CCDC88C: variants seen among roughly 807,000 people sequenced by gnomAD.
CCDC88C encodes coiled-coil and HOOK domain protein 88C.
A neutral mutation model predicts 198.8 loss-of-function variants in CCDC88C; 131 were observed. The observed-to-expected ratio is 0.66, with a 90% CI of 0.57 to 0.76. The LOEUF (loss-of-function observed/expected upper bound fraction) is 0.76, where lower values mean the gene tolerates loss of function less well. Ranked by LOEUF, CCDC88C falls within the 30% of genes least tolerant of loss-of-function variation. CCDC88C has a pLI of 0.00. For missense variants in CCDC88C, 2,553 were observed against 2,631.6 expected (o/e 0.97, Z 0.65); for synonymous variants, 1,166 against 1,114.7 (o/e 1.05, Z -0.92).
chr14:91,412,547 G>A (rs1337341730), intron 2 of CCDC88C, among the ~76,000 whole-genome samples: 1 of 151,646 alleles, frequency 6.6e-6, no homozygotes, highest in Admixed American at 6.6e-5. Flanking sequence ...CCATTCTCCC[G>A]CCTCAGCCTC....
chr14:91,408,098 C>T (rs898914918), intron 3 of CCDC88C: 2 of 152,510 alleles, frequency 1.3e-5, no homozygotes, highest in Non-Finnish European at 2.9e-5. Flanking sequence ...AAGAGCAAAT[C>T]CCCATCAGGC....
intron 3 of CCDC88C, among the ~76,000 whole-genome samples, chr14:91,380,852 G>A (rs10150940): frequency 0.022 from 3,415 of 152,176 alleles, 143 homozygotes; most frequent in African/African-American, 0.077. Context: ...TGCACGCCCC[G>A]TATCCTCCCT....
chr14:91,343,076 T>G (rs1211184765), intron 5 of CCDC88C, among the ~76,000 whole-genome samples: 11 of 152,134 alleles, frequency 7.2e-5, no homozygotes, highest in Non-Finnish European at 1.5e-5. Context: ...CGCCTCAGCC[T>G]CCCGAGTAGC....
At chr14:91,360,262 A>ACACACACACACG (rs1894249119) in intron 3 of CCDC88C, among the ~76,000 whole-genome samples, 1 of 89,012 alleles carries the variant, frequency 1.1e-5, no homozygotes, top group Non-Finnish European at 2.7e-5. Context: ...TCACACACAC[A>ACACACACACACG]CACACACACA....
intron 3 of CCDC88C, among the ~76,000 whole-genome samples, chr14:91,372,470 G>A (rs536703522): frequency 3.6e-5 from 5 of 140,706 alleles, no homozygotes; most frequent in East Asian, 2.2e-4. Flanking sequence ...GGAGGTGGCC[G>A]GAAGCTGAAA....
In CCDC88C at chr14:91,371,293, GA is replaced by G; in HGVS notation, c.271-11583del. 6.6e-6 allele frequency among the ~76,000 whole-genome samples: 1 copy of G among 152,164 alleles called. No individual in the cohort carries two copies. The highest frequency in any genetic ancestry group is 1.9e-4 in the East Asian group (1 of 5,184). ...AAGTCAGTATTTTTGCTGATGGATG[GA>G]AAAGTCAGTAGTTCTGCTGATGGAT... On this transcript the variant is annotated intron_variant, in intron 3 of 29. Coordinates refer to ENST00000389857, the MANE Select transcript of CCDC88C (RefSeq NM_001080414.4). This position sits in a 1 kb window ranked among gnomAD's most constrained non-coding sequence, Gnocchi z 4.2.
rs751634227 is a variant in CCDC88C at position 91,294,280 on chromosome 14, A to G, written c.4005T>C (p.Asn1335=). Residue 1335 remains asparagine (N), a synonymous_variant, in exon 23 of 30, where the codon AAT becomes AAC. Coordinates refer to ENST00000389857, the MANE Select transcript of CCDC88C (RefSeq NM_001080414.4). ...GCTGGATCTGGCTCAGGAGGTGATGATTTTCTTCCTCCAAGTTCCCCTTGA... is the reference window on the plus strand; with the variant it reads ...GCTGGATCTGGCTCAGGAGGTGATGGTTTTCTTCCTCCAAGTTCCCCTTGA... ...SRLKGNLEEE[N]HHLLSQIQLL... The G allele has an allele frequency of 2.5e-6, 4 of 1,613,998 alleles. No individual in the cohort carries two copies. Among genetic ancestry groups the G allele is most frequent in the Non-Finnish European group, 3.4e-6 (4 of 1,179,890 alleles).
At chr14:91,332,758 T>TTCC (rs1194872752) in intron 10 of CCDC88C, among the ~76,000 whole-genome samples, 2 of 152,180 alleles carry the variant, frequency 1.3e-5, no homozygotes, top group African/African-American at 4.8e-5. Context: ...AAACTCATGA[T>TTCC]TCCTCCCCTT....
At chr14:91,400,350 T>C (rs61988435) in intron 3 of CCDC88C, among the ~76,000 whole-genome samples, 25,701 of 152,276 alleles carry the variant, frequency 0.17, 2,782 homozygotes, top group Non-Finnish European at 0.25. Context: ...CCGCAGACCA[T>C]TGCCCTCCTC....
chr14:91,343,823 TTTTTA>T (rs1190770999), intron 4 of CCDC88C, among the ~76,000 whole-genome samples, 166 bp from the exon 5 acceptor site: 12 of 152,320 alleles, frequency 7.9e-5, no homozygotes, highest in African/African-American at 2.4e-4. Context: ...CTTTATTTAC[TTTTTA>T]TTTTATTTTG....
At position 91,416,822 on chromosome 14, in the gene CCDC88C, G is replaced by A. The variant is rs769956271; in HGVS notation, c.77C>T (p.Pro26Leu). ...PLVTWVKTFG[P>L]FGSGSQDNLT... ...GTTGTCCTGGCTGCCGCTTCCAAAC[G>A]GGCCAAAAGTTTTCACCTGCGGGGA... Residue 26 changes from proline (P) to leucine (L), a missense_variant, in exon 2 of 30, where the codon CCG (proline) becomes CTG (leucine). By Grantham distance (98) the Pro-to-Leu change is moderately conservative. Transcript: ENST00000389857. 9 of 1,612,982 alleles carry A rather than the reference G, an allele frequency of 5.6e-6. No individual in the cohort carries two copies. Among genetic ancestry groups the A allele is most frequent in the African/African-American group, 1.3e-5 (1 of 74,896 alleles).
At chr14:91,367,931 CA>C (rs1218270695) in intron 3 of CCDC88C, among the ~76,000 whole-genome samples, 3 of 152,144 alleles carry the variant, frequency 2.0e-5, no homozygotes, top group Non-Finnish European at 4.4e-5. Context: ...CTCCTCTAGG[CA>C]GCCACCTGAT....
In CCDC88C at chr14:91,359,660, C is replaced by T. The variant is rs61745604; in HGVS notation, c.322G>A (p.Gly108Ser). 4.6e-4 allele frequency: 743 copies of T among 1,608,390 alleles called. No homozygotes were observed. The highest frequency in any genetic ancestry group is 5.8e-4 in the Non-Finnish European group (680 of 1,177,542). ...CACTCACCAGACAGTGGGTCTCTGCCAATCATCAAAACATTGGGCAAATTC... is the reference window on the plus strand; with the variant it reads ...CACTCACCAGACAGTGGGTCTCTGCTAATCATCAAAACATTGGGCAAATTC... ...VMNLPNVLMI[G>S]RDPLSGKSME... is the part of the protein sequence containing the mutation. The change falls in exon 4 of 30, where the codon GGC becomes AGC. Residue 108 changes from glycine to serine, a missense_variant. Physicochemically the swap from Gly to Ser is moderately conservative, Grantham distance 56 (BLOSUM62 0). This residue lies in a region of CCDC88C where 1,260 missense variants were observed against 1,412.0 expected (regional missense o/e 0.89). Transcript: ENST00000389857.
At chr14:91,331,857 T>C (rs1892842338) in intron 10 of CCDC88C, among the ~76,000 whole-genome samples, 1 of 152,170 alleles carries the variant, frequency 6.6e-6, no homozygotes, top group African/African-American at 2.4e-5. Context: ...AAGCTGGGTA[T>C]AGACTGTGCC....
At chr14:91,345,190 A>ATATATATATATATATATTTTT (rs1246878587) in intron 4 of CCDC88C, among the ~76,000 whole-genome samples, 1 of 52,198 alleles carries the variant, frequency 1.9e-5, no homozygotes, top group African/African-American at 7.9e-5. Context: ...ATATATATAT[A>ATATATATATATATATATTTTT]TTTTTTTTTT....
rs138931820 is a variant in CCDC88C, at chr14:91,284,006, G to T, written c.4442-489C>A. On this transcript the variant is annotated intron_variant, in intron 25 of 29. Transcript: ENST00000389857. The surrounding 1 kb of genome is among the most constrained non-coding windows in gnomAD (Gnocchi z 4.1). ...CACAATATTCTGTTTTTTCAAAAAG[G>T]GAAGCCTTAATCTCTGCATGGTGAG... Among the ~76,000 whole-genome samples, 9 of 152,242 alleles carry T rather than the reference G, an allele frequency of 5.9e-5. No individual in the cohort carries two copies. The East Asian group carries it at 1.7e-3, about 29-fold the overall frequency.
In CCDC88C at chr14:91,339,331, C is replaced by T. The variant is rs763338809; in HGVS notation, c.756G>A (p.Leu252=). The T allele has an allele frequency of 2.5e-6, 4 of 1,613,752 alleles. No individual in the cohort carries two copies. The Admixed American group carries it at 6.7e-5, about 27-fold the overall frequency. ...CCTTGGTGTCGGCCAGCTCTACGGC[C>T]AGGTGCTGCTTGTCTTCGCTAGAGA... ...SSLSSEDKQH[L]AVELADTKAR... is the part of the protein sequence containing the mutation. The change falls in exon 8 of 30, where the codon CTG becomes CTA. Residue 252 remains leucine (L), a synonymous_variant. Transcript: ENST00000389857. This position sits in a 1 kb window ranked among gnomAD's most constrained non-coding sequence, Gnocchi z 5.8.
intron 3 of CCDC88C, 113 bp from the exon 4 acceptor site, chr14:91,359,824 G>T: frequency 1.1e-6 from 1 of 924,740 alleles, no homozygotes; most frequent in Non-Finnish European, 1.7e-6. Context: ...CCATCCCGTG[G>T]TGACTACGAA....
intron 3 of CCDC88C, among the ~76,000 whole-genome samples, chr14:91,375,493 G>A (rs909552251): frequency 2.0e-5 from 3 of 152,136 alleles, no homozygotes; most frequent in East Asian, 1.9e-4. Context: ...GTGGGGAAGA[G>A]GGGGGTGGGC....
Sources: gnomAD v4.1 joint callset for allele counts (sites outside exome capture counted in the v4.1 genomes callset) on GRCh38, gnomAD v4.1.1 for gene constraint, gnomAD v4.1.1 regional missense constraint, Gnocchi (gnomAD v3.1) non-coding constraint, MANE v1.5 for transcripts, NCBI Gene and HGNC (gene_info 2026-07-23, HGNC 2026-07-21) for gene names.